FNBP4: variants seen among roughly 807,000 people sequenced by gnomAD.
FNBP4 encodes formin binding protein 4.
Under a neutral mutation model 119.3 loss-of-function variants are expected in FNBP4, and 34 were observed. The observed-to-expected ratio is 0.28, with a 90% CI of 0.22 to 0.38. The LOEUF is 0.38. FNBP4 is among the 10% of genes least tolerant of loss of function. The pLI, the probability that FNBP4 is intolerant of heterozygous loss-of-function variation, is 1.00. For synonymous variants in FNBP4, 462 were observed against 430.6 expected, an observed-to-expected ratio of 1.07 and a Z score of -0.90; for missense variants, 1,112 against 1,228.9, an observed-to-expected ratio of 0.90 and a Z score of 1.42.
rs200919804 is a variant in FNBP4, at chr11:47,736,753, C to A, written c.1457-13G>T. Reference sequence around the variant, plus strand: ...TCAGCACCAATTGCTGTAAAAAAAACATGTAAAATTAAACCAAAGTACCAA... The same window carrying A: ...TCAGCACCAATTGCTGTAAAAAAAAAATGTAAAATTAAACCAAAGTACCAA... On this transcript the variant is annotated splice_polypyrimidine_tract_variant and intron_variant, in intron 8 of 16. Transcript: ENST00000263773. 1,837 of 1,586,352 alleles carry A rather than the reference C, an allele frequency of 1.2e-3. 18 individuals are homozygous for A. The African/African-American group carries it at 0.023, about 19-fold the overall frequency.
In FNBP4 at chr11:47,722,922, T is replaced by C. The variant is rs1194259639; in HGVS notation, c.2805+54A>G. 14 of 1,442,896 alleles carry C rather than the reference T, an allele frequency of 9.7e-6. No individual in the cohort carries two copies. The African/African-American group carries it at 1.1e-4, about 12-fold the overall frequency. The allele number at this position is 1,442,896 out of a possible 1,614,324, so 89.4% of individuals were successfully genotyped here. The stretch of plus-strand genomic sequence containing the variant: ...TGGATAATTTCATGTTATGTGAATA[T>C]AACCTCAATAAAATTTTTAAAAATA... On this transcript the variant is annotated intron_variant, in intron 15 of 16. Coordinates refer to ENST00000263773, the MANE Select transcript of FNBP4 (RefSeq NM_015308.5).
At chr11:47,766,408 C>G (rs1047301016) in intron 1 of FNBP4, among the ~76,000 whole-genome samples, 9 of 152,210 alleles carry the variant, frequency 5.9e-5, no homozygotes, top group African/African-American at 1.9e-4. Flanking sequence ...ATGATAGGAC[C>G]TTTACAAGAC....
intron 15 of FNBP4, among the ~76,000 whole-genome samples, chr11:47,720,839 C>T (rs959711950): frequency 4.0e-5 from 6 of 149,578 alleles, no homozygotes; most frequent in Admixed American, 1.3e-4. Context: ...TAGCCGGGGG[C>T]GGTGGCGGCG....
rs1171567464 is a variant in FNBP4, at chr11:47,752,747, G to A, written c.637+169C>T. The stretch of plus-strand genomic sequence containing the variant: ...GAGAACTGTCTGAACCCAGGAGGTG[G>A]AGGTTGGAGCGAGCCAAGATCGCGC... On this transcript the variant is annotated intron_variant, in intron 4 of 16. Coordinates refer to ENST00000263773, the MANE Select transcript of FNBP4 (RefSeq NM_015308.5). 4 of 562,798 alleles carry A rather than the reference G, an allele frequency of 7.1e-6. No homozygotes were observed. In the East Asian group the frequency reaches 1.2e-4, roughly 17 times the overall value. 34.9% of individuals were successfully genotyped at this position (562,798 alleles called of 1,614,324 possible).
Position 47,724,623 on chromosome 11 carries a change from G to A in FNBP4, c.2164C>T (p.Pro722Ser). 6.2e-7 allele frequency: 1 copy of A among 1,614,106 alleles called. No individual in the cohort carries two copies. The highest frequency in any genetic ancestry group is 8.5e-7 in the Non-Finnish European group (1 of 1,179,986). ...GGAGGTGGTGGAGGAGGGGGTGGAG[G>A]TGATTCTGGAGGTGGAGGTGGGGGT... is the stretch of plus-strand genomic sequence containing the variant. The part of the protein sequence containing the change: ...PPPPPPPPES[P>S]PPPPPPPPPA... Residue 722 changes from proline (P) to serine (S), a missense_variant, in exon 13 of 17, where the codon CCT (proline) becomes TCT (serine). Pro to Ser is a moderately conservative substitution (Grantham distance 74). Coordinates refer to ENST00000263773, the MANE Select transcript of FNBP4 (RefSeq NM_015308.5).
chr11:47,724,954 T>G, intron 12 of FNBP4, 176 bp from the exon 13 acceptor site: 1 of 916,632 alleles, frequency 1.1e-6, no homozygotes, highest in Non-Finnish European at 1.5e-6. Context: ...TGAAAAAAAT[T>G]TGGCCCACAG....
chr11:47,734,145 GAAAA>G lies in FNBP4; in HGVS notation c.1582-20_1582-17del. 1 of 1,425,448 alleles carries G rather than the reference GAAAA, an allele frequency of 7.0e-7. No homozygotes were observed. Among genetic ancestry groups the G allele is most frequent in the Non-Finnish European group, 9.6e-7 (1 of 1,039,194 alleles). The allele number at this position is 1,425,448 out of a possible 1,614,324, so 88.3% of individuals were successfully genotyped here. ...CAATCTGAAACTACAATGCAAAAAA[GAAAA>G]AAAGTAAAACTAGAATCCGTAACAT... On this transcript the variant is annotated splice_polypyrimidine_tract_variant and intron_variant, in intron 9 of 16. Transcript: ENST00000263773.
At chr11:47,750,543 G>A (rs573451022) in intron 6 of FNBP4, among the ~76,000 whole-genome samples, 1 of 151,172 alleles carries the variant, frequency 6.6e-6, no homozygotes, top group South Asian at 2.1e-4. Flanking sequence ...CAAAAAATAA[G>A]CCAGGTGTGG....
At position 47,743,912 on chromosome 11, in the gene FNBP4, A is replaced by G. The variant is rs771198839; in HGVS notation, c.1456+41T>C. On this transcript the variant is annotated intron_variant, in intron 8 of 16. Coordinates refer to ENST00000263773, the MANE Select transcript of FNBP4 (RefSeq NM_015308.5). ...AAAGACAAGAGTTTCCTTCCCCTCT[A>G]TATCTTTCAACTCTGAAGTTTAATG... 2.4e-5 allele frequency: 38 copies of G among 1,557,962 alleles called. No homozygotes were observed. In the Admixed American group the frequency reaches 4.0e-4, roughly 16 times the overall value.
rs1259692227 is a variant in FNBP4 at position 47,751,390 on chromosome 11, C to T, written c.638-100G>A. On this transcript the variant is annotated intron_variant, in intron 4 of 16. Coordinates refer to ENST00000263773, the MANE Select transcript of FNBP4 (RefSeq NM_015308.5). ...CACCTAACAGTTTCTCAAAACAGCA[C>T]TGTTAACTTTTGGGCACACAGGTCT... 2.1e-6 allele frequency: 3 copies of T among 1,402,952 alleles called. No individual in the cohort carries two copies. In the East Asian group the frequency reaches 6.9e-5, roughly 32 times the overall value. 86.9% of individuals were successfully genotyped at this position (1,402,952 alleles called of 1,614,324 possible).
chr11:47,753,288 A>G (rs1344907543), intron 3 of FNBP4, among the ~76,000 whole-genome samples, 186 bp from the exon 4 acceptor site: 1 of 152,182 alleles, frequency 6.6e-6, no homozygotes, highest in Non-Finnish European at 1.5e-5. Flanking sequence ...CAGGCTGGCC[A>G]ACATGGTGAA....
intron 2 of FNBP4, among the ~76,000 whole-genome samples, chr11:47,755,386 T>C (rs2097614788): frequency 6.6e-6 from 1 of 151,570 alleles, no homozygotes; most frequent in Non-Finnish European, 1.5e-5. Context: ...GAGGCGGAGG[T>C]TGCGGTGAGC....
Position 47,753,060 on chromosome 11 carries a change from C to T in FNBP4, c.493G>A (p.Gly165Arg), listed in dbSNP as rs751046031. ...GGAGTTGGAGGTGGAGCAGAAGCTC[C>T]TACAGGAGCTGCAGGCTGAGGAGCT... ...ITAPQPAAPV[G>R]ASAPPPTPPR... The change falls in exon 4 of 17, where the codon GGA becomes AGA. Residue 165 changes from glycine (G) to arginine (R), a missense_variant. Physicochemically the swap from Gly to Arg is moderately radical, Grantham distance 125 (BLOSUM62 -2). Transcript: ENST00000263773. 1 of 1,613,960 alleles carries T rather than the reference C, an allele frequency of 6.2e-7. No individual in the cohort carries two copies. The highest frequency in any genetic ancestry group is 1.7e-5 in the Admixed American group (1 of 59,942).
intron 6 of FNBP4, among the ~76,000 whole-genome samples, chr11:47,747,813 C>T (rs1280596206): frequency 4.0e-5 from 6 of 151,762 alleles, no homozygotes; most frequent in Non-Finnish European, 5.9e-5. Context: ...CCCGGCATGG[C>T]GGCGTGCGCC....
At chr11:47,736,534 T>G in intron 9 of FNBP4, 82 bp downstream of exon 9, 1 of 1,194,490 alleles carries the variant, frequency 8.4e-7, no homozygotes, top group South Asian at 1.5e-5. Flanking sequence ...CACTCCAGCC[T>G]GGGTGACAGA....
chr11:47,722,482 A>AT (rs1225268169), intron 15 of FNBP4, among the ~76,000 whole-genome samples: 1 of 152,100 alleles, frequency 6.6e-6, no homozygotes, highest in Admixed American at 6.6e-5. Context: ...TGCTGTACTC[A>AT]TGTGAGGACT....
chr11:47,723,240 T>G lies in FNBP4; in HGVS notation c.2541A>C (p.Ala847=). ...HQTIPVSLPA[A]GMGHQARGMS... is the part of the protein sequence containing the mutation. ...TTCCTCTGGCCTGATGACCCATTCC[T>G]GCTGCTGGAAGGCTAACTGGTATTG... The change falls in exon 15 of 17, where the codon GCA becomes GCC. Residue 847 remains alanine (A), a synonymous_variant. Transcript: ENST00000263773. 1 of 1,614,218 alleles carries G rather than the reference T, an allele frequency of 6.2e-7. No homozygotes were observed. The highest frequency in any genetic ancestry group is 8.5e-7 in the Non-Finnish European group (1 of 1,180,034).
chr11:47,744,309 T>G (rs2097586309), intron 7 of FNBP4, 146 bp from the exon 8 acceptor site: 5 of 716,912 alleles, frequency 7.0e-6, no homozygotes, highest in Non-Finnish European at 1.2e-5. Context: ...GCTCTCCCTC[T>G]GTTGCCCAGG....
At chr11:47,722,810 C>G in intron 15 of FNBP4, among the ~76,000 whole-genome samples, 166 bp downstream of exon 15, 1 of 151,998 alleles carries the variant, frequency 6.6e-6, no homozygotes, top group East Asian at 1.9e-4. Context: ...AGGCTGGTCT[C>G]GAACTCCTGA....
Sources: allele counts gnomAD v4.1 joint callset (sites outside exome capture counted in the v4.1 genomes callset), GRCh38; gene constraint gnomAD v4.1.1; transcripts MANE v1.5; gene names NCBI Gene and HGNC (gene_info 2026-07-23, HGNC 2026-07-21).